ELOVL6: variants seen among roughly 807,000 people sequenced by gnomAD.
The protein encoded by ELOVL6 is very long chain fatty acid elongase 6.
In ELOVL6, 8 loss-of-function variants were observed where a neutral mutation model predicts 31.7. The ratio of observed to expected loss-of-function variants is 0.25; its 90% CI spans 0.15 to 0.45. The LOEUF (loss-of-function observed/expected upper bound fraction) is 0.45, where lower values mean the gene tolerates loss of function less well. ELOVL6 is among the 20% of genes least tolerant of loss of function. ELOVL6 has a pLI of 1.00. For missense variants in ELOVL6, 126 were observed against 326.4 expected (o/e 0.39, Z 4.73); for synonymous variants, 101 against 117.7 (o/e 0.86, Z 0.92).
chr4:110,112,113 G>A (rs962366938), intron 1 of ELOVL6, among the ~76,000 whole-genome samples: 2 of 150,090 alleles, frequency 1.3e-5, no homozygotes, highest in African/African-American at 2.5e-5. Flanking sequence ...GAGAACTGCT[G>A]GATGAAGTCA....
At chr4:110,198,097 TGCA>T in intron 1 of ELOVL6, 147 bp downstream of exon 1, 1 of 391,228 alleles carries the variant, frequency 2.6e-6, no homozygotes, top group South Asian at 2.0e-5. Flanking sequence ...CAGCGTCTCC[TGCA>T]CCCGGGAGAC....
At chr4:110,118,691 C>T (rs1757258054) in intron 1 of ELOVL6, among the ~76,000 whole-genome samples, 1 of 152,160 alleles carries the variant, frequency 6.6e-6, no homozygotes, top group African/African-American at 2.4e-5. Context: ...GTGAATAATG[C>T]TACAATGAAC....
chr4:110,159,656 T>C (rs981434971), intron 1 of ELOVL6, among the ~76,000 whole-genome samples: 1 of 152,212 alleles, frequency 6.6e-6, no homozygotes, highest in Non-Finnish European at 1.5e-5. Flanking sequence ...TTTACAATGA[T>C]GTATCTTTGA....
intron 1 of ELOVL6, among the ~76,000 whole-genome samples, chr4:110,165,445 T>C (rs1758748774): frequency 6.6e-6 from 1 of 152,112 alleles, no homozygotes. Context: ...ACATAAACCT[T>C]AGTCAGGCCA....
At chr4:110,090,600 C>CTTTTTTGTTTTTTTTGTT (rs1553956743) in intron 2 of ELOVL6, among the ~76,000 whole-genome samples, 3 of 103,720 alleles carry the variant, frequency 2.9e-5, no homozygotes, top group African/African-American at 1.3e-4. Flanking sequence ...GTTTGACTTT[C>CTTTTTTGTTTTTTTTGTT]TTTTTTTTTT....
At chr4:110,060,440 T>C (rs1315072480) in intron 2 of ELOVL6, among the ~76,000 whole-genome samples, 5 of 152,186 alleles carry the variant, frequency 3.3e-5, no homozygotes, top group Non-Finnish European at 5.9e-5. Flanking sequence ...CCCAACACTG[T>C]TCTTCAATGC....
intron 2 of ELOVL6, among the ~76,000 whole-genome samples, chr4:110,062,394 C>G (rs969529497): frequency 5.3e-5 from 8 of 152,272 alleles, no homozygotes; most frequent in East Asian, 1.9e-4. Context: ...TGGGCAAAGG[C>G]GCATTGTTGG....
chr4:110,080,627 C>A (rs532522510), intron 2 of ELOVL6, among the ~76,000 whole-genome samples: 1 of 152,290 alleles, frequency 6.6e-6, no homozygotes, highest in South Asian at 2.1e-4. Context: ...AAACCCACAG[C>A]CAATATCATA....
chr4:110,132,664 C>T (rs1027732978), intron 1 of ELOVL6, among the ~76,000 whole-genome samples: 1 of 151,566 alleles, frequency 6.6e-6, no homozygotes, highest in African/African-American at 2.4e-5. Flanking sequence ...CCCAAAAATA[C>T]AAAAATTCAA....
At chr4:110,178,592 C>T (rs777069123) in intron 1 of ELOVL6, among the ~76,000 whole-genome samples, 4 of 151,632 alleles carry the variant, frequency 2.6e-5, no homozygotes, top group Non-Finnish European at 4.4e-5. Flanking sequence ...CGCGGTGGCT[C>T]ACACCTATAG....
intron 1 of ELOVL6, among the ~76,000 whole-genome samples, chr4:110,186,112 C>T (rs748132896): frequency 1.3e-5 from 2 of 152,122 alleles, no homozygotes; most frequent in Non-Finnish European, 2.9e-5. Flanking sequence ...ATCGCTTGAA[C>T]CCGGGAAGCG....
chr4:110,081,105 A>G (rs1755830355), intron 2 of ELOVL6, among the ~76,000 whole-genome samples: 1 of 152,196 alleles, frequency 6.6e-6, no homozygotes, highest in African/African-American at 2.4e-5. Context: ...ATACAGACAA[A>G]TGGAAGAACA....
rs59169507 is a variant in ELOVL6, at chr4:110,047,890, C to CA, written c.*3447dup. On this transcript the variant is annotated 3_prime_UTR_variant, in exon 4 of 4. Transcript: ENST00000302274. ...GGGCAACAACAGCAAGAATCCACCT[C>CA]AAAAAAAAAAAAAAAAAAAAAAAGA... 14,295 of 63,518 alleles carry CA rather than the reference C, an allele frequency of 0.23. 1,377 individuals are homozygous for CA. Among genetic ancestry groups the CA allele is most frequent in the African/African-American group, 0.27 (4,405 of 16,484 alleles). The allele number at this position is 63,518 out of a possible 1,614,324, so 3.9% of individuals were successfully genotyped here.
chr4:110,145,798 A>C (rs2126263308), intron 1 of ELOVL6, among the ~76,000 whole-genome samples: 1 of 152,300 alleles, frequency 6.6e-6, no homozygotes, highest in Admixed American at 6.5e-5. Flanking sequence ...AGTGCCAAAC[A>C]AAAGGCTTGG....
At chr4:110,099,871 G>A (rs546143649) in intron 2 of ELOVL6, among the ~76,000 whole-genome samples, 2 of 152,274 alleles carry the variant, frequency 1.3e-5, no homozygotes, top group African/African-American at 4.8e-5. Flanking sequence ...TGAAGAACAG[G>A]GGATAGGCAC....
chr4:110,127,849 A>G (rs1233228091), intron 1 of ELOVL6, among the ~76,000 whole-genome samples: 2 of 152,088 alleles, frequency 1.3e-5, no homozygotes, highest in African/African-American at 4.8e-5. Flanking sequence ...AAACAGACAC[A>G]CTCCTTGCAC....
chr4:110,176,455 T>C (rs1024260445), intron 1 of ELOVL6, among the ~76,000 whole-genome samples: 14 of 152,108 alleles, frequency 9.2e-5, no homozygotes, highest in Non-Finnish European at 2.9e-5. Context: ...CCACTGCGCC[T>C]AGCCTCAAAG....
At chr4:110,181,678 A>G (rs75269069) in intron 1 of ELOVL6, among the ~76,000 whole-genome samples, 7,054 of 152,214 alleles carry the variant, frequency 0.046, 226 homozygotes, top group South Asian at 0.12. Context: ...AAAACAAAAC[A>G]TCTACTTTCT....
intron 3 of ELOVL6, among the ~76,000 whole-genome samples, chr4:110,057,445 C>A (rs182222618): frequency 6.6e-6 from 1 of 151,746 alleles, no homozygotes; most frequent in Non-Finnish European, 1.5e-5. Context: ...TGTAGTCAGG[C>A]CTTTGTCAAA....
Sources: gnomAD v4.1 joint callset for allele counts (sites outside exome capture counted in the v4.1 genomes callset) on GRCh38, gnomAD v4.1.1 for gene constraint, MANE v1.5 for transcripts, NCBI Gene and HGNC (gene_info 2026-07-23, HGNC 2026-07-21) for gene names.